KAZN: variants seen among roughly 807,000 people sequenced by gnomAD.
KAZN encodes kazrin, periplakin interacting protein.
Under a neutral mutation model 87.4 loss-of-function variants are expected in KAZN, and 40 were observed. The ratio of observed to expected loss-of-function variants is 0.46; its 90% confidence interval spans 0.36 to 0.60. KAZN has a LOEUF of 0.60. Among genes scored for constraint, KAZN ranks in the 20% least tolerant of loss-of-function variants. The pLI is 0.00. For missense variants in KAZN, 898 were observed against 1,073.9 expected, an observed-to-expected ratio of 0.84 and a Z score of 2.29; for synonymous variants, 466 against 458.3, an observed-to-expected ratio of 1.02 and a Z score of -0.22.
At chr1:14,489,259 G>T (rs1456464897) in intron 2 of KAZN, among the ~76,000 whole-genome samples, 2 of 146,860 alleles carry the variant, frequency 1.4e-5, no homozygotes, top group East Asian at 4.7e-4. Flanking sequence ...TAACATTTTG[G>T]GACTCTATAT....
intron 1 of KAZN, among the ~76,000 whole-genome samples, chr1:14,778,232 C>A (rs1179862209): frequency 1.3e-5 from 2 of 152,124 alleles, no homozygotes; most frequent in Non-Finnish European, 2.9e-5. Context: ...ACAGAGGACA[C>A]AAAGGCATCC....
chr1:14,208,215 G>A (rs548242253), intron 2 of KAZN, among the ~76,000 whole-genome samples: 293 of 152,284 alleles, frequency 1.9e-3, no homozygotes, highest in Non-Finnish European at 3.4e-3. Context: ...CTAATGGTTC[G>A]CAGAAGGATG....
At chr1:15,048,687 CCTGGGTCGTTGATCCTTGGTCGTT>C in intron 4 of KAZN, among the ~76,000 whole-genome samples, 1 of 145,074 alleles carries the variant, frequency 6.9e-6, no homozygotes, top group East Asian at 2.0e-4. Context: ...GGTCGTTGGT[CCTGGGTCGTTGATCCTTGGTCGTT>C]GGTCCTGGGT....
At chr1:14,590,382 G>A (rs1676122542) in intron 2 of KAZN, among the ~76,000 whole-genome samples, 1 of 152,182 alleles carries the variant, frequency 6.6e-6, no homozygotes, top group East Asian at 1.9e-4. Flanking sequence ...TGGGTTGGAA[G>A]GGACACAGAA....
chr1:13,937,056 T>A (rs1252987770), intron 1 of KAZN, among the ~76,000 whole-genome samples: 1 of 151,692 alleles, frequency 6.6e-6, no homozygotes, highest in Non-Finnish European at 1.5e-5. Context: ...CTTTTGTTTT[T>A]TTTTTTTTGA....
intron 2 of KAZN, among the ~76,000 whole-genome samples, chr1:14,347,972 G>A (rs779917491): frequency 1.3e-5 from 2 of 148,518 alleles, no homozygotes; most frequent in Non-Finnish European, 3.0e-5. Context: ...TGCAACCTCT[G>A]CCTCCCAGGC....
chr1:14,077,217 T>C (rs974160794), intron 1 of KAZN, among the ~76,000 whole-genome samples: 2 of 152,132 alleles, frequency 1.3e-5, no homozygotes, highest in African/African-American at 4.8e-5. Flanking sequence ...ATCCCAGGTG[T>C]TCGTTCTGCT....
intron 1 of KAZN, chr1:13,893,830 G>GGTCTGTGTGT: frequency 6.6e-7 from 1 of 1,519,232 alleles, no homozygotes; most frequent in South Asian, 1.2e-5. Flanking sequence ...CAAAAACAGC[G>GGTCTGTGTGT]GTCTGTGTGT....
In KAZN at chr1:14,234,383, A is replaced by G. The variant is rs565183769; in HGVS notation, c.249+53791A>G. 1.7e-3 allele frequency among the ~76,000 whole-genome samples: 249 copies of G among 146,598 alleles called. 1 individual carries two copies. Among genetic ancestry groups the G allele is most frequent in the African/African-American group, 6.0e-3 (241 of 40,198 alleles). On this transcript the variant is annotated intron_variant, in intron 2 of 16. Coordinates refer to the KAZN transcript ENST00000636203. ...AACACATGGACACAGGGAGGGGAAC[A>G]TCACACACCGGGGCCTGTTAGGGGA... is the stretch of plus-strand genomic sequence containing the variant.
chr1:14,504,463 G>A (rs1300569746), intron 2 of KAZN, among the ~76,000 whole-genome samples: 1 of 152,196 alleles, frequency 6.6e-6, no homozygotes, highest in Non-Finnish European at 1.5e-5. Flanking sequence ...TACTGAGTAA[G>A]CACTTCCAAC....
At chr1:14,705,652 A>G (rs1335909715) in intron 1 of KAZN, among the ~76,000 whole-genome samples, 1 of 152,180 alleles carries the variant, frequency 6.6e-6, no homozygotes, top group East Asian at 1.9e-4. Context: ...ACTGGAGGAC[A>G]TTATGTTAAG....
intron 1 of KAZN, among the ~76,000 whole-genome samples, chr1:14,067,802 G>A (rs764996716): frequency 6.6e-6 from 1 of 152,226 alleles, no homozygotes; most frequent in Non-Finnish European, 1.5e-5. Flanking sequence ...CACCCACGAT[G>A]TCACTGGGAC....
chr1:14,678,052 C>T (rs574627758), intron 1 of KAZN, among the ~76,000 whole-genome samples: 1 of 152,282 alleles, frequency 6.6e-6, no homozygotes, highest in African/African-American at 2.4e-5. Context: ...AGGCAAGGGG[C>T]TCTGGCACCT....
intron 8 of KAZN, among the ~76,000 whole-genome samples, chr1:15,071,800 G>A (rs1173683534): frequency 2.6e-5 from 4 of 152,208 alleles, no homozygotes; most frequent in South Asian, 4.1e-4. Context: ...TTGCCAGGCT[G>A]TGTACAGAAA....
At chr1:14,783,623 C>T (rs1645419715) in intron 1 of KAZN, among the ~76,000 whole-genome samples, 1 of 152,220 alleles carries the variant, frequency 6.6e-6, no homozygotes, top group South Asian at 2.1e-4. Context: ...AATGATCCCA[C>T]TGCTGTCGAT....
rs534335462 is a variant in KAZN, at chr1:14,973,099, G to A, written c.418+12224G>A. 4.6e-5 allele frequency among the ~76,000 whole-genome samples: 7 copies of A among 152,186 alleles called. No homozygotes were observed. The East Asian group carries it at 5.8e-4, about 13-fold the overall frequency. On this transcript the variant is annotated intron_variant, in intron 2 of 14. Transcript: ENST00000376030. ...GAGGCTCCAAGATCGTACAGCATGC[G>A]AGTCTCAGCATTTGGATTTGAAGCT...
At position 14,823,158 on chromosome 1, in the gene KAZN, G is replaced by A. The variant is rs887406693; in HGVS notation, c.227-137526G>A. Among the ~76,000 whole-genome samples, 7 of 152,206 alleles carry A rather than the reference G, an allele frequency of 4.6e-5. No individual in the cohort carries two copies. In the South Asian group the frequency reaches 6.2e-4, roughly 14 times the overall value. ...TGTGGCACCACACCTGGGAAGGCCC[G>A]TCGCCTCGGCCACACATGGGCAGGC... On this transcript the variant is annotated intron_variant, in intron 1 of 14. Transcript: ENST00000376030.
At chr1:14,957,031 G>T (rs190431829) in intron 1 of KAZN, among the ~76,000 whole-genome samples, 74 of 152,258 alleles carry the variant, frequency 4.9e-4, no homozygotes, top group African/African-American at 1.6e-3. Flanking sequence ...GTGTCCGAGT[G>T]CTCTGAGCAG....
At chr1:14,858,810 C>T (rs1057270882) in intron 1 of KAZN, among the ~76,000 whole-genome samples, 4 of 152,090 alleles carry the variant, frequency 2.6e-5, no homozygotes, top group Non-Finnish European at 4.4e-5. Flanking sequence ...CTGAACAGCC[C>T]CTGTAACTCG....
Sources: gnomAD v4.1 joint callset for allele counts (sites outside exome capture counted in the v4.1 genomes callset) on GRCh38, gnomAD v4.1.1 for gene constraint, MANE v1.5 for transcripts, NCBI Gene and HGNC (gene_info 2026-07-23, HGNC 2026-07-21) for gene names.